Variants in NRXN3 observed in about 807,000 individuals in gnomAD.
NRXN3 encodes neurexin 3, also known as neurexin III.
A neutral mutation model predicts 137.6 loss-of-function variants in NRXN3; 32 were observed. That is an observed-to-expected ratio of 0.23 (90% CI 0.18 to 0.31). NRXN3 has a LOEUF of 0.31. NRXN3 is among the 10% of genes least tolerant of loss of function. NRXN3 has a pLI of 1.00. For synonymous variants in NRXN3, 798 were observed against 784.5 expected, an observed-to-expected ratio of 1.02 and a Z score of -0.29; for missense variants, 1,574 against 2,062.5, an observed-to-expected ratio of 0.76 and a Z score of 4.59.
rs574230664 is a variant in NRXN3 at position 79,029,622 on chromosome 14, A to G, written c.3262+41481A>G. Among the ~76,000 whole-genome samples the G allele has an allele frequency of 1.4e-3, 208 of 152,278 alleles. 1 individual carries two copies. Among genetic ancestry groups the G allele is most frequent in the African/African-American group, 4.8e-3 (200 of 41,558 alleles). ...CTGGTTAATTCTTTGAGGGGATTGTACTATGCATTATAGGATATTTAACAG... is the reference window on the plus strand; with the variant it reads ...CTGGTTAATTCTTTGAGGGGATTGTGCTATGCATTATAGGATATTTAACAG... On this transcript the variant is annotated intron_variant, in intron 15 of 20. Transcript: ENST00000335750.
chr14:79,284,582 A>G (rs1189292010), intron 15 of NRXN3, among the ~76,000 whole-genome samples: 2 of 151,812 alleles, frequency 1.3e-5, no homozygotes, highest in Non-Finnish European at 2.9e-5. Context: ...TTAAAAGGGA[A>G]CACACCACGC....
chr14:78,729,126 A>C (rs1471326384), intron 8 of NRXN3, among the ~76,000 whole-genome samples: 2 of 152,242 alleles, frequency 1.3e-5, no homozygotes, highest in East Asian at 1.9e-4. Flanking sequence ...GAGTATTATT[A>C]TTCTTCTCTC....
intron 10 of NRXN3, among the ~76,000 whole-genome samples, chr14:78,907,295 A>G (rs947890635): frequency 6.6e-6 from 1 of 152,004 alleles, no homozygotes; most frequent in Non-Finnish European, 1.5e-5. Context: ...TCTCCTGAAC[A>G]CGTCAAGATA....
chr14:79,837,575 T>C (rs951103927), intron 20 of NRXN3, among the ~76,000 whole-genome samples: 1 of 152,174 alleles, frequency 6.6e-6, no homozygotes, highest in African/African-American at 2.4e-5. Context: ...CCCCATCTCT[T>C]TCTCCATCGT....
rs762251613 is a variant in NRXN3 at position 79,862,488 on chromosome 14, C to CA, written c.*535dup. ...AAAAACACCAAAAAACAAAAACAAA[C>CA]AAAAAAAAAAACCCACAACCCTTAT... On this transcript the variant is annotated 3_prime_UTR_variant, in exon 21 of 21. Transcript: ENST00000335750. 9,435 of 140,932 alleles carry CA rather than the reference C, an allele frequency of 0.067. 412 individuals carry two copies. Among genetic ancestry groups the CA allele is most frequent in the Admixed American group, 0.11 (1,598 of 14,256 alleles). The allele number at this position is 140,932 out of a possible 1,614,324, so 8.7% of individuals were successfully genotyped here.
At chr14:79,120,075 A>T (rs1173092938) in intron 15 of NRXN3, among the ~76,000 whole-genome samples, 7 of 152,240 alleles carry the variant, frequency 4.6e-5, no homozygotes, top group East Asian at 1.9e-4. Context: ...AACAGTAAAA[A>T]TGAAGAGTGA....
intron 4 of NRXN3, among the ~76,000 whole-genome samples, chr14:78,604,032 CGGAAGATGAA>C (rs1175818815): frequency 6.6e-6 from 1 of 152,018 alleles, no homozygotes; most frequent in Admixed American, 6.6e-5. Flanking sequence ...ACAATCACGA[CGGAAGATGAA>C]GGAAGAGCAA....
At chr14:78,776,823 C>T (rs2098746256) in intron 8 of NRXN3, among the ~76,000 whole-genome samples, 1 of 152,206 alleles carries the variant, frequency 6.6e-6, no homozygotes, top group South Asian at 2.1e-4. Flanking sequence ...TCTCAAACTT[C>T]AGTGTACATC....
At chr14:79,182,388 C>T (rs1340165636) in intron 15 of NRXN3, among the ~76,000 whole-genome samples, 2 of 151,522 alleles carry the variant, frequency 1.3e-5, no homozygotes, top group African/African-American at 4.9e-5. Flanking sequence ...AGCTTGTTTT[C>T]CTGCAACTAG....
chr14:79,303,355 C>T, intron 15 of NRXN3, among the ~76,000 whole-genome samples: 1 of 152,026 alleles, frequency 6.6e-6, no homozygotes, highest in East Asian at 1.9e-4. Context: ...TCAGATAGGA[C>T]TTACTAGGCC....
chr14:79,371,394 T>C (rs2094105466), intron 15 of NRXN3, among the ~76,000 whole-genome samples: 2 of 152,176 alleles, frequency 1.3e-5, no homozygotes, highest in South Asian at 2.1e-4. Context: ...GAATAGATAC[T>C]TGCATATAAT....
intron 2 of NRXN3, among the ~76,000 whole-genome samples, chr14:78,258,394 C>T (rs550109610): frequency 1.4e-4 from 18 of 130,108 alleles, no homozygotes; most frequent in East Asian, 7.5e-4. Context: ...GGACCCTTGT[C>T]GGGAGATGTA....
At chr14:78,254,196 C>A (rs150216841) in intron 2 of NRXN3, among the ~76,000 whole-genome samples, 1 of 152,156 alleles carries the variant, frequency 6.6e-6, no homozygotes, top group South Asian at 2.1e-4. Flanking sequence ...AAGCAGGTGA[C>A]TCATACTCCA....
At chr14:78,459,521 C>G (rs957550442) in intron 4 of NRXN3, among the ~76,000 whole-genome samples, 1 of 152,132 alleles carries the variant, frequency 6.6e-6, no homozygotes, top group African/African-American at 2.4e-5. Flanking sequence ...GGATTCTGCC[C>G]TTTCTCCCCA....
At chr14:79,762,944 G>C (rs1850346868) in intron 19 of NRXN3, among the ~76,000 whole-genome samples, 1 of 151,474 alleles carries the variant, frequency 6.6e-6, no homozygotes, top group African/African-American at 2.4e-5. Context: ...AGGTATACAC[G>C]TGCCATGGTA....
chr14:79,195,361 TG>T (rs2065001028), intron 15 of NRXN3, among the ~76,000 whole-genome samples: 1 of 152,208 alleles, frequency 6.6e-6, no homozygotes, highest in Admixed American at 6.5e-5. Context: ...ATGAGAAACC[TG>T]GAAGTACCTT....
At chr14:78,796,388 T>C (rs2098821883) in intron 8 of NRXN3, among the ~76,000 whole-genome samples, 1 of 152,228 alleles carries the variant, frequency 6.6e-6, no homozygotes, top group Admixed American at 6.5e-5. Context: ...CAGGGATAGA[T>C]GCAGAGTGTC....
intron 4 of NRXN3, among the ~76,000 whole-genome samples, chr14:78,516,157 G>A (rs112184187): frequency 4.0e-5 from 6 of 151,852 alleles, no homozygotes; most frequent in African/African-American, 1.2e-4. Context: ...ACAGCCAATG[G>A]CTTCCAGATA....
At chr14:79,042,739 T>C (rs529794102) in intron 15 of NRXN3, among the ~76,000 whole-genome samples, 1 of 152,300 alleles carries the variant, frequency 6.6e-6, no homozygotes, top group South Asian at 2.1e-4. Flanking sequence ...CAAGTGTGTA[T>C]TTGTGATGGG....
Sources: allele counts gnomAD v4.1 joint callset (sites outside exome capture counted in the v4.1 genomes callset), GRCh38; gene constraint gnomAD v4.1.1; transcripts MANE v1.5; gene names NCBI Gene and HGNC (gene_info 2026-07-23, HGNC 2026-07-21).